The following MLLT3 variants were observed in gnomAD, a reference collection of about 807,000 sequenced individuals.
The protein encoded by MLLT3 is protein AF-9.
Under a neutral mutation model 53.2 loss-of-function variants are expected in MLLT3, and 4 were observed. The observed-to-expected ratio is 0.08, with a 90% CI of 0.04 to 0.17. The LOEUF (loss-of-function observed/expected upper bound fraction) is 0.17, where lower values mean the gene tolerates loss of function less well. MLLT3 is among the 10% of genes least tolerant of loss of function. The pLI is 1.00. For missense variants in MLLT3, 569 were observed against 684.0 expected (o/e 0.83, Z 1.87); for synonymous variants, 283 against 230.6 (o/e 1.23, Z -2.06).
intron 2 of MLLT3, among the ~76,000 whole-genome samples, chr9:20,476,781 T>G (rs1824531948): frequency 6.6e-6 from 1 of 152,180 alleles, no homozygotes; most frequent in African/African-American, 2.4e-5. Context: ...AGACTGACAT[T>G]TTCATTGAAT....
intron 2 of MLLT3, among the ~76,000 whole-genome samples, chr9:20,461,886 C>T (rs1228361188): frequency 1.3e-5 from 2 of 152,144 alleles, no homozygotes; most frequent in African/African-American, 4.8e-5. Context: ...AGGAAGGAAA[C>T]ACATCAAACT....
chr9:20,519,195 G>C (rs1587017421), intron 2 of MLLT3, among the ~76,000 whole-genome samples: 1 of 152,066 alleles, frequency 6.6e-6, no homozygotes, highest in African/African-American at 2.4e-5. Flanking sequence ...GATATTAGTA[G>C]AAAAACTAGA....
intron 2 of MLLT3, among the ~76,000 whole-genome samples, chr9:20,460,095 A>C (rs1026613953): frequency 6.6e-6 from 1 of 152,250 alleles, no homozygotes; most frequent in African/African-American, 2.4e-5. Flanking sequence ...CAGTAGGGAT[A>C]CTACATTAGA....
At chr9:20,400,077 C>T (rs1822417090) in intron 5 of MLLT3, among the ~76,000 whole-genome samples, 1 of 151,732 alleles carries the variant, frequency 6.6e-6, no homozygotes, top group Non-Finnish European at 1.5e-5. Flanking sequence ...CATTATAGGC[C>T]TCCTAATAAA....
intron 3 of MLLT3, among the ~76,000 whole-genome samples, chr9:20,449,112 C>T (rs890796927): frequency 2.0e-5 from 3 of 152,136 alleles, no homozygotes; most frequent in African/African-American, 7.2e-5. Context: ...TCCCGACTCC[C>T]CACTGCCTCT....
At chr9:20,565,930 ATATATATT>A (rs1403752514) in intron 2 of MLLT3, among the ~76,000 whole-genome samples, 2 of 13,058 alleles carry the variant, frequency 1.5e-4, no homozygotes, top group African/African-American at 6.6e-4. Flanking sequence ...ATTTATATAT[ATATATATT>A]TATATATATA....
At chr9:20,512,259 T>G (rs983719801) in intron 2 of MLLT3, among the ~76,000 whole-genome samples, 12 of 152,322 alleles carry the variant, frequency 7.9e-5, no homozygotes, top group Admixed American at 3.9e-4. Flanking sequence ...CAATCATATT[T>G]TCACTCCACA....
chr9:20,619,602 T>C (rs1820936328), intron 2 of MLLT3, among the ~76,000 whole-genome samples: 1 of 152,232 alleles, frequency 6.6e-6, no homozygotes, highest in Admixed American at 6.5e-5. Context: ...TGTGTCGACT[T>C]AGATAAATAA....
At chr9:20,622,142 C>A in intron 1 of MLLT3, 103 bp downstream of exon 1, 1 of 1,327,520 alleles carries the variant, frequency 7.5e-7, no homozygotes, top group East Asian at 2.4e-5. Context: ...CAACCTTTCT[C>A]TAATTGGAAC....
chr9:20,555,386 G>A (rs1172600075), intron 2 of MLLT3, among the ~76,000 whole-genome samples: 1 of 151,950 alleles, frequency 6.6e-6, no homozygotes, highest in Non-Finnish European at 1.5e-5. Flanking sequence ...GAACTCCTGG[G>A]TTCAAACAGT....
intron 4 of MLLT3, among the ~76,000 whole-genome samples, chr9:20,443,400 A>G (rs1004990098): frequency 3.3e-5 from 5 of 152,338 alleles, no homozygotes; most frequent in Middle Eastern, 3.4e-3. Context: ...TTAATCCGCT[A>G]AAAATTCAGA....
At chr9:20,451,285 A>C (rs905651438) in intron 3 of MLLT3, among the ~76,000 whole-genome samples, 1 of 152,206 alleles carries the variant, frequency 6.6e-6, no homozygotes, top group Non-Finnish European at 1.5e-5. Flanking sequence ...CAAAAGACTA[A>C]AACTCCTAAG....
rs1046786638 is a variant in MLLT3 at position 20,448,821 on chromosome 9, C to T, written c.277-555G>A. ...TCAACAGCTTCCAATAGCCATTGGG[C>T]TAAAAATCCTAATCTCACTTGAATG... is the stretch of plus-strand genomic sequence containing the variant. On this transcript the variant is annotated intron_variant, in intron 3 of 10. Coordinates refer to ENST00000380338, the MANE Select transcript of MLLT3 (RefSeq NM_004529.4). This position sits in a 1 kb window ranked among gnomAD's most constrained non-coding sequence, Gnocchi z 4.0. Among the ~76,000 whole-genome samples, 1 of 152,154 alleles carries T rather than the reference C, an allele frequency of 6.6e-6. No homozygotes were observed. The highest frequency in any genetic ancestry group is 1.5e-5 in the Non-Finnish European group (1 of 68,016).
intron 2 of MLLT3, among the ~76,000 whole-genome samples, chr9:20,483,765 T>C (rs556537337): frequency 1.4e-4 from 19 of 137,376 alleles, no homozygotes; most frequent in Non-Finnish European, 2.4e-4. Flanking sequence ...TAGAGTGCAG[T>C]GGCGCCATCT....
Position 20,479,138 on chromosome 9 carries a change from T to C in MLLT3, c.194-22352A>G, listed in dbSNP as rs567455625. Among the ~76,000 whole-genome samples the C allele has an allele frequency of 3.9e-5, 6 of 152,272 alleles. No homozygotes were observed. The East Asian group carries it at 1.2e-3, about 29-fold the overall frequency. On this transcript the variant is annotated intron_variant, in intron 2 of 10. Coordinates refer to ENST00000380338, the MANE Select transcript of MLLT3 (RefSeq NM_004529.4). ...GGAGTGGGTAATTTGGAAAGAACGA[T>C]TTAAAATGGTTTCCTTTACAAGTTT...
chr9:20,539,321 T>C (rs1818565095), intron 2 of MLLT3, among the ~76,000 whole-genome samples: 2 of 152,226 alleles, frequency 1.3e-5, no homozygotes, highest in South Asian at 2.1e-4. Context: ...ATTTCAACAA[T>C]GTTTACAGCA....
chr9:20,547,376 G>A (rs1410579054), intron 2 of MLLT3, among the ~76,000 whole-genome samples: 1 of 151,902 alleles, frequency 6.6e-6, no homozygotes, highest in Non-Finnish European at 1.5e-5. Flanking sequence ...AGGCATGGTG[G>A]CTCACGCCTG....
rs189567536 is a variant in MLLT3, at chr9:20,392,507, C to T, written c.1125+21214G>A. Among the ~76,000 whole-genome samples the T allele has an allele frequency of 3.7e-4, 57 of 152,266 alleles. 2 individuals carry two copies. The East Asian group carries it at 5.4e-3, about 14-fold the overall frequency. ...ATAAACTGTCTCTAAGGCCCATCTCCCTTTTCCTTTACTAATCAAAATAAT... is the reference window on the plus strand; with the variant it reads ...ATAAACTGTCTCTAAGGCCCATCTCTCTTTTCCTTTACTAATCAAAATAAT... On this transcript the variant is annotated intron_variant, in intron 5 of 10. Coordinates refer to ENST00000380338, the MANE Select transcript of MLLT3 (RefSeq NM_004529.4).
At chr9:20,588,845 C>T (rs530809903) in intron 2 of MLLT3, among the ~76,000 whole-genome samples, 25 of 152,192 alleles carry the variant, frequency 1.6e-4, no homozygotes, top group Non-Finnish European at 2.8e-4. Context: ...TGCTCACCAT[C>T]ACTGGCCATC....
Sources: allele counts gnomAD v4.1 joint callset (sites outside exome capture counted in the v4.1 genomes callset), GRCh38; gene constraint gnomAD v4.1.1; non-coding constraint Gnocchi (gnomAD v3.1); transcripts MANE v1.5; gene names NCBI Gene and HGNC (gene_info 2026-07-23, HGNC 2026-07-21).